ANKS3: variants seen among roughly 807,000 people sequenced by gnomAD.
The protein encoded by ANKS3 is ankyrin repeat and SAM domain-containing protein 3.
A neutral mutation model predicts 80.7 loss-of-function variants in ANKS3; 62 were observed. That is an observed-to-expected ratio of 0.77 (90% CI 0.63 to 0.95). The LOEUF is 0.95. Ranked by LOEUF, ANKS3 falls within the 40% of genes least tolerant of loss-of-function variation. The pLI is 0.00. For missense variants in ANKS3, 1,150 were observed against 883.6 expected, an observed-to-expected ratio of 1.30 and a Z score of -3.82; for synonymous variants, 489 against 355.3, an observed-to-expected ratio of 1.38 and a Z score of -4.23.
At chr16:4,705,762 G>C (rs1199563217) in intron 7 of ANKS3, among the ~76,000 whole-genome samples, 26 of 152,004 alleles carry the variant, frequency 1.7e-4, no homozygotes, top group Admixed American at 1.7e-3. Context: ...GCCCAGCCAG[G>C]AGTTTATTAT....
chr16:4,702,047 C>G, intron 9 of ANKS3, 55 bp downstream of exon 9: 4 of 1,516,654 alleles, frequency 2.6e-6, no homozygotes, highest in Non-Finnish European at 3.5e-6. Context: ...GATGGGCACA[C>G]AGGAGCTCCA....
At chr16:4,701,270 C>A in intron 10 of ANKS3, 136 bp from the exon 11 acceptor site, 1 of 1,443,294 alleles carries the variant, frequency 6.9e-7, no homozygotes. Flanking sequence ...CCGGTGCGTT[C>A]GCTGTCGTCT....
intron 7 of ANKS3, 21 bp from the exon 8 acceptor site, chr16:4,705,274 T>G (rs368303466): frequency 1.9e-6 from 3 of 1,612,620 alleles, no homozygotes; most frequent in Non-Finnish European, 2.5e-6. Context: ...ACACCAAGAT[T>G]AAGATAGTGT....
At chr16:4,719,718 C>T (rs991818824) in intron 6 of ANKS3, among the ~76,000 whole-genome samples, 2 of 151,770 alleles carry the variant, frequency 1.3e-5, no homozygotes, top group Admixed American at 1.3e-4. Context: ...AGGATTACTT[C>T]AGCCCAGGAG....
intron 3 of ANKS3, 77 bp from the exon 4 acceptor site, chr16:4,727,254 G>A: frequency 1.4e-6 from 2 of 1,478,852 alleles, no homozygotes; most frequent in Non-Finnish European, 1.9e-6. Flanking sequence ...GGCGAGGCTA[G>A]GCCAGGCGGG....
chr16:4,700,807 A>T (rs765070625), intron 11 of ANKS3, 163 bp downstream of exon 11: 1 of 946,874 alleles, frequency 1.1e-6, no homozygotes, highest in East Asian at 2.4e-5. Flanking sequence ...GCTGCCAGCC[A>T]TGGAGCCGGC....
At chr16:4,724,568 A>G (rs1310226716) in intron 6 of ANKS3, among the ~76,000 whole-genome samples, 182 bp downstream of exon 6, 1 of 152,202 alleles carries the variant, frequency 6.6e-6, no homozygotes, top group Non-Finnish European at 1.5e-5. Flanking sequence ...TCTACTCACC[A>G]CTGTATCCTT....
At chr16:4,712,374 C>T (rs1359054883) in intron 7 of ANKS3, among the ~76,000 whole-genome samples, 3 of 151,706 alleles carry the variant, frequency 2.0e-5, no homozygotes, top group African/African-American at 7.3e-5. Context: ...AGCAAGACTC[C>T]ATTTCAAAAA....
intron 5 of ANKS3, among the ~76,000 whole-genome samples, chr16:4,725,540 A>G (rs1273047222): frequency 1.3e-5 from 2 of 152,236 alleles, no homozygotes; most frequent in African/African-American, 2.4e-5. Context: ...GTGTCTTAGA[A>G]TGAATGACAG....
chr16:4,717,307 T>C (rs1210823382), intron 6 of ANKS3: 1 of 151,646 alleles, frequency 6.6e-6, no homozygotes, highest in Non-Finnish European at 1.5e-5. Flanking sequence ...CCAGCACTTT[T>C]GGAGGCTGAG....
chr16:4,697,567 C>A (rs771236551), intron 15 of ANKS3, 151 bp from the exon 16 acceptor site: 10 of 647,274 alleles, frequency 1.5e-5, no homozygotes, highest in East Asian at 8.7e-5. Context: ...AAGGCCGAGG[C>A]AGGGAAGCCC....
Position 4,729,993 on chromosome 16 carries a change from C to G in ANKS3, c.157G>C (p.Glu53Gln), listed in dbSNP as rs2081539013. The part of the protein sequence containing the change: ...ASIGQYEVVK[E>Q]CVQRRELDLN... ...GAGATCTCTTACCGCTGCACACACTCCTTCACCACTTCATACTGGCCAATG... is the reference window on the plus strand; with the variant it reads ...GAGATCTCTTACCGCTGCACACACTGCTTCACCACTTCATACTGGCCAATG... Residue 53 changes from glutamate to glutamine, a missense_variant, in exon 3 of 18, where the codon GAG becomes CAG. Physicochemically the swap from Glu to Gln is conservative, Grantham distance 29. Coordinates refer to ENST00000304283, the MANE Select transcript of ANKS3 (RefSeq NM_133450.4). The G allele has an allele frequency of 7.2e-6, 11 of 1,529,080 alleles. No homozygotes were observed. Among genetic ancestry groups the G allele is most frequent in the Non-Finnish European group, 9.7e-6 (11 of 1,129,322 alleles). The allele number at this position is 1,529,080 out of a possible 1,614,324, so 94.7% of individuals were successfully genotyped here.
At chr16:4,705,983 C>T (rs887671177) in intron 7 of ANKS3, among the ~76,000 whole-genome samples, 29 of 151,720 alleles carry the variant, frequency 1.9e-4, no homozygotes, top group Admixed American at 1.4e-3. Flanking sequence ...CTGGAACTTC[C>T]GCCTCCTGGG....
At chr16:4,700,746 G>A (rs973008638) in intron 11 of ANKS3, 5 of 730,012 alleles carry the variant, frequency 6.8e-6, no homozygotes, top group Admixed American at 2.0e-5. Context: ...TGGAAAGCAG[G>A]GAGACAGGTC....
chr16:4,698,852 T>G lies in ANKS3; in HGVS notation c.1499A>C (p.Tyr500Ser). ...CATCTCAGCCTCCAGCCGGTCGGCG[T>G]AGGCCAGCTCCAGGGCATCCCCGGG... Reference protein sequence around the residue: ...RPPGDALELAYADRLEAEMQE... With the variant: ...RPPGDALELASADRLEAEMQE... The change falls in exon 13 of 18, where the codon TAC becomes TCC. Residue 500 changes from tyrosine (Y) to serine (S), a missense_variant. Physicochemically the swap from Tyr to Ser is moderately radical, Grantham distance 144 (BLOSUM62 -2). Transcript: ENST00000304283. 1 of 1,606,738 alleles carries G rather than the reference T, an allele frequency of 6.2e-7. No individual in the cohort carries two copies. Among genetic ancestry groups the G allele is most frequent in the Non-Finnish European group, 8.5e-7 (1 of 1,176,332 alleles).
rs367568332 is a variant in ANKS3 at position 4,699,247 on chromosome 16, G to A, written c.1285-71C>T. 494 of 1,557,554 alleles carry A rather than the reference G, an allele frequency of 3.2e-4. 3 individuals are homozygous for A. The East Asian group carries it at 9.4e-3, about 30-fold the overall frequency. On this transcript the variant is annotated intron_variant, in intron 11 of 17. Transcript: ENST00000304283. ...GAAGCAGAGACGTTTTCCTCCACTC[G>A]GAGCCCCACCACTTCCCCAGGCTCA...
rs1337639250 is a variant in ANKS3 at position 4,696,766 on chromosome 16, G to C, written c.*142C>G. On this transcript the variant is annotated 3_prime_UTR_variant, in exon 18 of 18. Transcript: ENST00000304283. ...CGCAGCCCCCGTCTTGCCTCTGTCT[G>C]CCGGCTGCTCCCGGGGCCTGATCCT... is the stretch of plus-strand genomic sequence containing the variant. 3.6e-6 allele frequency: 2 copies of C among 554,626 alleles called. No homozygotes were observed. The highest frequency in any genetic ancestry group is 2.1e-5 in the South Asian group (1 of 48,678). 34.4% of individuals were successfully genotyped at this position (554,626 alleles called of 1,614,324 possible).
In ANKS3 at chr16:4,733,590, C is replaced by T. The variant is rs1596474697; in HGVS notation, c.-71+348G>A. Among the ~76,000 whole-genome samples, 3 of 152,048 alleles carry T rather than the reference C, an allele frequency of 2.0e-5. No homozygotes were observed. The East Asian group carries it at 5.8e-4, about 29-fold the overall frequency. ...TACAGGCGTGAGTGAGCCACCGCGC[C>T]CGGCTGCACATTTAAAAATAATTCA... On this transcript the variant is annotated intron_variant, in intron 1 of 17. Coordinates refer to ENST00000304283, the MANE Select transcript of ANKS3 (RefSeq NM_133450.4).
At chr16:4,713,981 C>T (rs2080637573) in intron 7 of ANKS3, 70 bp downstream of exon 7, 1 of 1,572,050 alleles carries the variant, frequency 6.4e-7, no homozygotes, top group East Asian at 2.3e-5. Flanking sequence ...GGACATCTTT[C>T]TCTGCCAGGT....
Sources: gnomAD v4.1 joint callset for allele counts (sites outside exome capture counted in the v4.1 genomes callset) on GRCh38, gnomAD v4.1.1 for gene constraint, MANE v1.5 for transcripts, NCBI Gene and HGNC (gene_info 2026-07-23, HGNC 2026-07-21) for gene names.